The following GSE1 variants were observed in gnomAD, a reference collection of about 807,000 sequenced individuals.
GSE1 encodes genetic suppressor element 1.
A neutral mutation model predicts 112.6 loss-of-function variants in GSE1; 32 were observed. The ratio of observed to expected loss-of-function variants is 0.28; its 90% CI spans 0.21 to 0.38. GSE1 has a LOEUF of 0.38. Ranked by LOEUF, GSE1 falls within the 10% of genes least tolerant of loss-of-function variation. The probability of loss-of-function intolerance (pLI) is 1.00; values close to 1 mark genes in which losing one functional copy is unlikely to be tolerated. For missense variants in GSE1, 2,348 were observed against 1,699.2 expected, an observed-to-expected ratio of 1.38 and a Z score of -6.71; for synonymous variants, 1,115 against 735.6, an observed-to-expected ratio of 1.52 and a Z score of -8.35.
intron 1 of GSE1, among the ~76,000 whole-genome samples, chr16:85,579,712 C>T (rs530817901): frequency 3.9e-4 from 59 of 152,306 alleles, no homozygotes; most frequent in African/African-American, 1.4e-3. Flanking sequence ...ATCCCAGTCC[C>T]GGGTTCCTGC....
intron 2 of GSE1, among the ~76,000 whole-genome samples, chr16:85,492,878 G>A (rs1044857326): frequency 3.3e-5 from 5 of 152,340 alleles, no homozygotes; most frequent in South Asian, 2.1e-4. Context: ...CCTGGAGCAG[G>A]TGACAGAGCA....
intron 1 of GSE1, among the ~76,000 whole-genome samples, chr16:85,615,694 C>T (rs1477825045): frequency 6.6e-6 from 1 of 152,212 alleles, no homozygotes; most frequent in Non-Finnish European, 1.5e-5. Context: ...GGCGCAGGCT[C>T]TGAGCTGTTT....
rs552364954 is a variant in GSE1 at position 85,642,744 on chromosome 16, C to T, written c.227-5808C>T. On this transcript the variant is annotated intron_variant, in intron 2 of 15. Transcript: ENST00000253458. Reference sequence around the variant, plus strand: ...TTCCCCTGAGCAGTTGCAGCGGGGCCGGGCCCTGGGGTGGGTCGGGGCCGT... The same window carrying T: ...TTCCCCTGAGCAGTTGCAGCGGGGCTGGGCCCTGGGGTGGGTCGGGGCCGT... 4.0e-4 allele frequency among the ~76,000 whole-genome samples: 61 copies of T among 152,334 alleles called. No individual in the cohort carries two copies. In the South Asian group the frequency reaches 0.012, roughly 31 times the overall value.
intron 1 of GSE1, among the ~76,000 whole-genome samples, chr16:85,224,390 G>A (rs1359346058): frequency 6.6e-6 from 1 of 150,622 alleles, no homozygotes; most frequent in East Asian, 1.9e-4. Context: ...TTCTCGATCT[G>A]GTTGGCAGCT....
At chr16:85,430,773 G>A (rs1010054139) in intron 2 of GSE1, among the ~76,000 whole-genome samples, 2 of 152,200 alleles carry the variant, frequency 1.3e-5, no homozygotes, top group African/African-American at 4.8e-5. Flanking sequence ...TGCATGACCT[G>A]CCCGCCTCCA....
intron 1 of GSE1, among the ~76,000 whole-genome samples, chr16:85,212,183 A>G (rs1183490890): frequency 2.6e-5 from 4 of 152,208 alleles, no homozygotes; most frequent in Admixed American, 2.6e-4. Context: ...AGACCGGCAG[A>G]ACACTTGAGG....
chr16:85,364,423 G>T (rs1176723400), intron 2 of GSE1, among the ~76,000 whole-genome samples: 2 of 152,196 alleles, frequency 1.3e-5, no homozygotes, highest in Non-Finnish European at 2.9e-5. Context: ...ACGTGCACAG[G>T]CTGCAGGGAT....
chr16:85,418,155 A>G (rs1028456273), intron 2 of GSE1, among the ~76,000 whole-genome samples: 2 of 152,218 alleles, frequency 1.3e-5, no homozygotes, highest in African/African-American at 2.4e-5. Context: ...CATTTCTAAC[A>G]ATGCCGCCAT....
At chr16:85,491,311 A>G (rs931559708) in intron 2 of GSE1, among the ~76,000 whole-genome samples, 1 of 152,146 alleles carries the variant, frequency 6.6e-6, no homozygotes, top group Non-Finnish European at 1.5e-5. Flanking sequence ...ACCTACCAGC[A>G]CCTGGGGTGC....
chr16:85,210,143 T>C (rs955826735), intron 1 of GSE1, among the ~76,000 whole-genome samples: 3 of 152,228 alleles, frequency 2.0e-5, no homozygotes, highest in African/African-American at 7.2e-5. Flanking sequence ...TCGTCTTTAC[T>C]GAAACCATTT....
rs9940903 is a variant in GSE1, at chr16:85,661,852, C to T, written c.2260+87C>T. Reference sequence around the variant, plus strand: ...TGCATGCCAGCCACCTGCCCCTCTCCGTCCACTCCTGCTTTTTGCCTGGGG... The same window carrying T: ...TGCATGCCAGCCACCTGCCCCTCTCTGTCCACTCCTGCTTTTTGCCTGGGG... On this transcript the variant is annotated intron_variant, in intron 9 of 15. Transcript: ENST00000253458. The T allele has an allele frequency of 2.1e-3, 2,686 of 1,302,762 alleles. 45 individuals carry two copies. In the African/African-American group the frequency reaches 0.034, roughly 17 times the overall value. 80.7% of individuals were successfully genotyped at this position (1,302,762 alleles called of 1,614,324 possible). A position where few individuals can be genotyped will look rare whatever the true frequency, so the allele number is the denominator to read the frequency against.
At chr16:85,326,033 C>T (rs1014765979) in intron 1 of GSE1, among the ~76,000 whole-genome samples, 1 of 152,212 alleles carries the variant, frequency 6.6e-6, no homozygotes, top group Non-Finnish European at 1.5e-5. Context: ...AGGTGTGAGC[C>T]ACCACCCCCA....
Position 85,654,356 on chromosome 16 carries a change from G to A in GSE1, c.505G>A (p.Gly169Arg), listed in dbSNP as rs772275707. Residue 169 changes from glycine to arginine, a missense_variant, in exon 4 of 16, where the codon GGA (glycine) becomes AGA (arginine). Gly to Arg is a moderately radical substitution (Grantham distance 125). Coordinates refer to ENST00000253458, the MANE Select transcript of GSE1 (RefSeq NM_014615.5). ...CCCGCTCCCTCAGGAGAAGGCAGGGGGACCAGCCATCCCCTCGCACCTGCT... is the reference window on the plus strand; with the variant it reads ...CCCGCTCCCTCAGGAGAAGGCAGGGAGACCAGCCATCCCCTCGCACCTGCT... ...EPPLPQEKAGGPAIPSHLLST... is the reference protein window; with the variant it reads ...EPPLPQEKAGRPAIPSHLLST... 2.0e-5 allele frequency: 33 copies of A among 1,611,970 alleles called. No individual in the cohort carries two copies. The highest frequency in any genetic ancestry group is 2.7e-5 in the African/African-American group (2 of 74,866).
intron 2 of GSE1, among the ~76,000 whole-genome samples, chr16:85,381,564 A>G (rs2047546356): frequency 6.6e-6 from 1 of 152,224 alleles, no homozygotes; most frequent in African/African-American, 2.4e-5. Context: ...TAATATTCAT[A>G]ACCTCACTAA....
At chr16:85,186,417 A>G (rs2143383262) in intron 1 of GSE1, among the ~76,000 whole-genome samples, 1 of 152,030 alleles carries the variant, frequency 6.6e-6, no homozygotes, top group East Asian at 1.9e-4. Context: ...ATCCTGGCCA[A>G]CATGGTGAAA....
upstream of GSE1, among the ~76,000 whole-genome samples, chr16:85,612,145 C>T (rs1184838864): frequency 1.3e-5 from 2 of 151,786 alleles, no homozygotes; most frequent in East Asian, 3.9e-4. Context: ...CAGCCCAGGG[C>T]GCCAGAAGGC....
chr16:85,190,906 G>A (rs1475327786), intron 1 of GSE1, among the ~76,000 whole-genome samples: 1 of 152,226 alleles, frequency 6.6e-6, no homozygotes, highest in Non-Finnish European at 1.5e-5. Flanking sequence ...GGGTGGCCTA[G>A]GGTCCTGTCA....
intron 2 of GSE1, among the ~76,000 whole-genome samples, chr16:85,483,988 C>T (rs1476897035): frequency 6.6e-6 from 1 of 152,210 alleles, no homozygotes; most frequent in Non-Finnish European, 1.5e-5. Flanking sequence ...CAGCGACCCT[C>T]CCCGAGAGGT....
At position 85,517,628 on chromosome 16, in the gene GSE1, A is replaced by G. The variant is rs551997804; in HGVS notation, c.2465-116286A>G. ...CTCCCCCCGCCTGCCTAAGCTCAGC[A>G]TTCGCCACCACCTCCAGCCCCGGCA... is the stretch of plus-strand genomic sequence containing the variant. On this transcript the variant is annotated intron_variant, in intron 2 of 2. Coordinates refer to the GSE1 transcript ENST00000637419. Among the ~76,000 whole-genome samples the G allele has an allele frequency of 2.0e-4, 30 of 152,148 alleles. No individual in the cohort carries two copies. In the South Asian group the frequency reaches 5.6e-3, roughly 28 times the overall value.
Sources: gnomAD v4.1 joint callset for allele counts (sites outside exome capture counted in the v4.1 genomes callset) on GRCh38, gnomAD v4.1.1 for gene constraint, MANE v1.5 for transcripts, NCBI Gene and HGNC (gene_info 2026-07-23, HGNC 2026-07-21) for gene names.